Variants in POU3F3 observed in about 807,000 individuals in gnomAD.
POU3F3 encodes the protein POU domain, class 3, transcription factor 3.
In POU3F3, 1 loss-of-function variant was observed where a neutral mutation model predicts 8.6. That is an observed-to-expected ratio of 0.12 (90% CI 0.04 to 0.55). The LOEUF is 0.55. POU3F3 is among the 20% of genes least tolerant of loss of function. The pLI, the probability that POU3F3 is intolerant of heterozygous loss-of-function variation, is 0.91. For synonymous variants in POU3F3, 418 were observed against 327.4 expected, an observed-to-expected ratio of 1.28 and a Z score of -2.99; for missense variants, 577 against 690.7, an observed-to-expected ratio of 0.84 and a Z score of 1.84.
chr2:104,881,308 C>A, the POU3F3 span, among the ~76,000 whole-genome samples: 1 of 152,020 alleles, frequency 6.6e-6, no homozygotes, highest in African/African-American at 2.4e-5. Flanking sequence ...CAGGTGTACA[C>A]CACCACACTC....
At chr2:104,873,120 A>T in the POU3F3 span, among the ~76,000 whole-genome samples, 1 of 152,196 alleles carries the variant, frequency 6.6e-6, no homozygotes, top group Non-Finnish European at 1.5e-5. Context: ...TGGAGCGGCT[A>T]AAACCGCAAC....
the POU3F3 span, among the ~76,000 whole-genome samples, chr2:104,897,675 G>A: frequency 6.6e-6 from 1 of 152,358 alleles, no homozygotes; most frequent in Admixed American, 6.5e-5. Flanking sequence ...AAGGAATGGA[G>A]AATCAGTCAG....
At chr2:104,890,513 G>A in the POU3F3 span, among the ~76,000 whole-genome samples, 2 of 152,086 alleles carry the variant, frequency 1.3e-5, no homozygotes, top group Non-Finnish European at 2.9e-5. Flanking sequence ...GGAGCAGCCT[G>A]CTTCTGATAA....
the POU3F3 span, among the ~76,000 whole-genome samples, chr2:104,879,273 T>C: frequency 6.6e-6 from 1 of 150,908 alleles, no homozygotes. Flanking sequence ...TAAGCCGCGA[T>C]TGGGCTCTGA....
In POU3F3 at chr2:104,857,050, C is replaced by G. The variant is rs893529373; in HGVS notation, c.*37C>G. ...AGAGCGAAGAGGGCCGCCGCCGCCG[C>G]CGCCTCCGCAGCCGCCGTCAGCACC... On this transcript the variant is annotated 3_prime_UTR_variant, in exon 1 of 1. Transcript: ENST00000361360. 7.1e-7 allele frequency: 1 copy of G among 1,399,090 alleles called. No homozygotes were observed. Among genetic ancestry groups the G allele is most frequent in the African/African-American group, 1.5e-5 (1 of 68,604 alleles). 86.7% of individuals were successfully genotyped at this position (1,399,090 alleles called of 1,614,324 possible).
chr2:104,881,914 C>G, the POU3F3 span, among the ~76,000 whole-genome samples: 1 of 152,194 alleles, frequency 6.6e-6, no homozygotes, highest in African/African-American at 2.4e-5. Context: ...CGTTCCCACT[C>G]CACCGCATCT....
the POU3F3 span, among the ~76,000 whole-genome samples, chr2:104,883,339 C>T: frequency 6.6e-6 from 1 of 152,220 alleles, no homozygotes; most frequent in Admixed American, 6.5e-5. Context: ...GCTTAAGACC[C>T]TGGATTCACT....
the POU3F3 span, among the ~76,000 whole-genome samples, chr2:104,891,009 G>GCAGC: frequency 6.6e-6 from 1 of 152,238 alleles, no homozygotes; most frequent in African/African-American, 2.4e-5. Context: ...TACTAGCTGT[G>GCAGC]CAGCCCTGAG....
In POU3F3 at chr2:104,856,224, G is replaced by C; in HGVS notation, c.714G>C (p.Pro238=). 1 of 1,269,288 alleles carries C rather than the reference G, an allele frequency of 7.9e-7. No homozygotes were observed. Among genetic ancestry groups the C allele is most frequent in the East Asian group, 3.3e-5 (1 of 30,642 alleles). 78.6% of individuals were successfully genotyped at this position (1,269,288 alleles called of 1,614,324 possible). ...TGAACGGCATGCTGAGCGCGCCACC[G>C]GGGCCCGGCGGCGGCGGCGGCGGCG... ...FTVNGMLSAP[P]GPGGGGGGAG... is the part of the protein sequence containing the mutation. The change falls in exon 1 of 1, where the codon CCG becomes CCC. Residue 238 remains proline (P), a synonymous_variant. Transcript: ENST00000361360.
the POU3F3 span, among the ~76,000 whole-genome samples, chr2:104,906,395 C>T: frequency 6.6e-6 from 1 of 152,192 alleles, no homozygotes; most frequent in Non-Finnish European, 1.5e-5. Flanking sequence ...ATTCCTGTCC[C>T]AGTACAATGT....
Position 104,855,075 on chromosome 2 carries a change from C to T in POU3F3, c.-436C>T, listed in dbSNP as rs1225898621. ...CGGGAGAGCGCCCCGAGTGCAGGTC[C>T]CCGCCCCGCCCGGCGAGCCCCGCTG... On this transcript the variant is annotated 5_prime_UTR_variant, in exon 1 of 1. Coordinates refer to ENST00000361360, the MANE Select transcript of POU3F3 (RefSeq NM_006236.3). Among the ~76,000 whole-genome samples the T allele has an allele frequency of 2.6e-5, 4 of 151,878 alleles. No individual in the cohort carries two copies. Among genetic ancestry groups the T allele is most frequent in the African/African-American group, 9.7e-5 (4 of 41,412 alleles).
Position 104,855,562 on chromosome 2 carries a change from G to C in POU3F3, c.52G>C (p.Ala18Pro). Residue 18 changes from alanine (A) to proline (P), a missense_variant, in exon 1 of 1, where the codon GCC becomes CCC. Transcript: ENST00000361360. ...PYLPGNSLLA[A>P]GSIVHSDAAG... is the part of the protein sequence containing the mutation. ...CCTGCCGGGGAACAGCCTGCTCGCG[G>C]CCGGCTCTATTGTGCACTCGGACGC... 1.9e-6 allele frequency: 2 copies of C among 1,043,422 alleles called. No individual in the cohort carries two copies. The highest frequency in any genetic ancestry group is 1.2e-6 in the Non-Finnish European group (1 of 863,976). The allele number at this position is 1,043,422 out of a possible 1,614,324, so 64.6% of individuals were successfully genotyped here.
At chr2:104,906,900 T>G in the POU3F3 span, among the ~76,000 whole-genome samples, 1 of 152,178 alleles carries the variant, frequency 6.6e-6, no homozygotes, top group African/African-American at 2.4e-5. Context: ...TGTTGCCACC[T>G]CACCACCATC....
At chr2:104,869,613 G>A in the POU3F3 span, among the ~76,000 whole-genome samples, 1 of 152,152 alleles carries the variant, frequency 6.6e-6, no homozygotes, top group Non-Finnish European at 1.5e-5. Context: ...AGGACAGCTG[G>A]ACAGGATCAC....
At chr2:104,918,498 A>C in the POU3F3 span, among the ~76,000 whole-genome samples, 1 of 152,186 alleles carries the variant, frequency 6.6e-6, no homozygotes, top group Non-Finnish European at 1.5e-5. Flanking sequence ...CCCTAATGCA[A>C]GGTGACTGGT....
the POU3F3 span, among the ~76,000 whole-genome samples, chr2:104,890,582 G>A: frequency 3.3e-5 from 5 of 152,094 alleles, no homozygotes; most frequent in Non-Finnish European, 5.9e-5. Flanking sequence ...ACCCCTGAAT[G>A]TTTCGGGTTT....
chr2:104,888,041 A>G, the POU3F3 span, among the ~76,000 whole-genome samples: 376 of 152,346 alleles, frequency 2.5e-3, 1 homozygote, highest in African/African-American at 8.6e-3. Context: ...GTGGGTACCA[A>G]CAATAAGGAA....
the POU3F3 span, among the ~76,000 whole-genome samples, chr2:104,891,558 A>G: frequency 6.6e-6 from 1 of 152,156 alleles, no homozygotes; most frequent in Non-Finnish European, 1.5e-5. Flanking sequence ...TAATTCTAAA[A>G]TGTGATAGAA....
At chr2:104,901,206 C>T in the POU3F3 span, among the ~76,000 whole-genome samples, 30 of 152,280 alleles carry the variant, frequency 2.0e-4, no homozygotes, top group African/African-American at 7.2e-4. Context: ...AGCCCAGGAG[C>T]AAGCCTGCCC....
Sources: gnomAD v4.1 joint callset for allele counts (sites outside exome capture counted in the v4.1 genomes callset) on GRCh38, gnomAD v4.1.1 for gene constraint, MANE v1.5 for transcripts, NCBI Gene and HGNC (gene_info 2026-07-23, HGNC 2026-07-21) for gene names.